MARS1: variants seen among roughly 807,000 people sequenced by gnomAD.
MARS1 encodes the protein methionyl-tRNA synthetase 1, also known as methionine--tRNA ligase, cytoplasmic.
In MARS1, 80 loss-of-function variants were observed where a neutral mutation model predicts 119.5. That is an observed-to-expected ratio of 0.67 (90% CI 0.56 to 0.81). The LOEUF (loss-of-function observed/expected upper bound fraction) is 0.81. Ranked by LOEUF, MARS1 falls within the 30% of genes least tolerant of loss-of-function variation. The probability of loss-of-function intolerance (pLI) is 0.00; values close to 1 mark genes in which losing one functional copy is unlikely to be tolerated. For missense variants in MARS1, 945 were observed against 1,116.5 expected, an observed-to-expected ratio of 0.85 and a Z score of 2.19; for synonymous variants, 418 against 433.4, an observed-to-expected ratio of 0.96 and a Z score of 0.44.
intron 1 of MARS1, chr12:57,488,514 CTTTAGTTACTAGCA>C: frequency 6.7e-7 from 1 of 1,488,138 alleles, no homozygotes; most frequent in South Asian, 1.2e-5. Context: ...CCCCTCTGCT[CTTTAGTTACTAGCA>C]TGACAGCCCC....
Position 57,516,308 on chromosome 12 carries a change from C to A in MARS1, c.2527C>A (p.Gln843Lys), listed in dbSNP as rs561321660. The A allele has an allele frequency of 1.9e-5, 30 of 1,614,188 alleles. No homozygotes were observed. Among genetic ancestry groups the A allele is most frequent in the Middle Eastern group, 3.3e-4 (2 of 6,062 alleles). Reference sequence around the variant, plus strand: ...TACAACAGCCAAGCCACAGCAGATACAAGCGCTGATGGATGAAGTGACAAA... The same window carrying A: ...TACAACAGCCAAGCCACAGCAGATAAAAGCGCTGATGGATGAAGTGACAAA... ...TVTTAKPQQI[Q>K]ALMDEVTKQG... Residue 843 changes from glutamine to lysine, a missense_variant, in exon 20 of 21, where the codon CAA (glutamine) becomes AAA (lysine). Gln to Lys is a moderately conservative substitution (Grantham distance 53). Coordinates refer to ENST00000262027, the MANE Select transcript of MARS1 (RefSeq NM_004990.4).
chr12:57,496,996 C>T (rs1306201369), intron 7 of MARS1, among the ~76,000 whole-genome samples: 2 of 152,060 alleles, frequency 1.3e-5, no homozygotes, highest in Non-Finnish European at 2.9e-5. Context: ...AATGTAATAC[C>T]CTTGGGAGCA....
chr12:57,489,377 G>C (rs774887880), intron 3 of MARS1, 32 bp downstream of exon 3: 1 of 1,614,142 alleles, frequency 6.2e-7, no homozygotes. Flanking sequence ...TGTCAGGCAG[G>C]CCCTTGTTCT....
chr12:57,498,115 C>T (rs1424098446), intron 7 of MARS1, 42 bp from the exon 8 acceptor site: 1 of 1,329,338 alleles, frequency 7.5e-7, no homozygotes, highest in South Asian at 1.2e-5. Flanking sequence ...TGTTGACCCT[C>T]ACATCCCCCC....
intron 7 of MARS1, among the ~76,000 whole-genome samples, chr12:57,493,333 ATATATGTTATATAATATATAT>A: frequency 2.0e-5 from 2 of 101,174 alleles, no homozygotes; most frequent in African/African-American, 8.3e-5. Flanking sequence ...ATTATATATA[ATATATGTTATATAATATATAT>A]TATATGATAT....
chr12:57,510,064 T>G (rs952120533), intron 11 of MARS1, among the ~76,000 whole-genome samples: 1 of 152,054 alleles, frequency 6.6e-6, no homozygotes, highest in African/African-American at 2.4e-5. Flanking sequence ...CAGGCTGGAG[T>G]GCAGTGGCAC....
intron 11 of MARS1, among the ~76,000 whole-genome samples, chr12:57,509,753 G>C (rs1594830705): frequency 6.6e-6 from 1 of 152,210 alleles, no homozygotes; most frequent in East Asian, 1.9e-4. Context: ...TGCAATTTCA[G>C]TCCATCCCCA....
chr12:57,508,477 A>C (rs1393253370), intron 11 of MARS1, among the ~76,000 whole-genome samples: 1 of 152,244 alleles, frequency 6.6e-6, no homozygotes, highest in Non-Finnish European at 1.5e-5. Flanking sequence ...CGGCCAACAC[A>C]GCGAAACCCC....
intron 11 of MARS1, among the ~76,000 whole-genome samples, chr12:57,509,847 A>G (rs1877420805): frequency 6.6e-6 from 1 of 152,198 alleles, no homozygotes; most frequent in Non-Finnish European, 1.5e-5. Flanking sequence ...CTCAATAGGC[A>G]TCAGCACATT....
chr12:57,489,812 T>G, intron 4 of MARS1, 84 bp from the exon 5 acceptor site: 1 of 1,268,668 alleles, frequency 7.9e-7, no homozygotes. Flanking sequence ...ACATATAAAG[T>G]GCTCAGTAAA....
At chr12:57,498,321 C>G (rs78220036) in intron 8 of MARS1, 48 bp downstream of exon 8, 8 of 1,599,524 alleles carry the variant, frequency 5.0e-6, no homozygotes, top group Non-Finnish European at 6.9e-6. Flanking sequence ...AGGGCGGGTC[C>G]CAGGGGAATA....
At position 57,504,251 on chromosome 12, in the gene MARS1, A is replaced by G. The variant is rs759822183; in HGVS notation, c.1320A>G (p.Ser440=). 8.7e-6 allele frequency: 14 copies of G among 1,614,072 alleles called. No individual in the cohort carries two copies. Among genetic ancestry groups the G allele is most frequent in the Admixed American group, 3.3e-5 (2 of 60,006 alleles). Residue 440 remains serine (S), a synonymous_variant, in exon 11 of 21, where the codon TCA becomes TCG. Coordinates refer to ENST00000262027, the MANE Select transcript of MARS1 (RefSeq NM_004990.4). Reference sequence around the variant, plus strand: ...AGCCTCAGTGTAAAGTCTGCCGATCATGCCCTGTGGTGCAGTCGAGCCAGC... The same window carrying G: ...AGCCTCAGTGTAAAGTCTGCCGATCGTGCCCTGTGGTGCAGTCGAGCCAGC... ...LKKPQCKVCR[S]CPVVQSSQHL...
At chr12:57,510,479 A>T (rs12427340) in intron 11 of MARS1, among the ~76,000 whole-genome samples, 3 of 151,150 alleles carry the variant, frequency 2.0e-5, no homozygotes, top group Non-Finnish European at 4.4e-5. Context: ...GCTCAAAAAA[A>T]TTTTTTTTTG....
At chr12:57,502,423 G>A (rs1395813607) in intron 10 of MARS1, among the ~76,000 whole-genome samples, 2 of 151,910 alleles carry the variant, frequency 1.3e-5, no homozygotes, top group Admixed American at 6.6e-5. Context: ...AAACTCACTT[G>A]GGGCCAGGTG....
intron 7 of MARS1, among the ~76,000 whole-genome samples, chr12:57,493,843 A>G (rs1487996340): frequency 2.3e-4 from 1 of 4,356 alleles, no homozygotes; most frequent in African/African-American, 2.5e-4. Context: ...ATATTATAAT[A>G]TATAATATAT....
chr12:57,488,282 C>G, intron 1 of MARS1, 83 bp downstream of exon 1: 1 of 1,326,352 alleles, frequency 7.5e-7, no homozygotes, highest in Non-Finnish European at 1.1e-6. Flanking sequence ...CTTTGCCAAA[C>G]CCCTAGCCCT....
chr12:57,489,631 A>C, intron 4 of MARS1, 73 bp downstream of exon 4: 1 of 1,593,998 alleles, frequency 6.3e-7, no homozygotes, highest in Non-Finnish European at 8.6e-7. Context: ...CTGTATTCAG[A>C]GTGTTCGAAC....
chr12:57,492,386 A>G (rs1876017458), intron 7 of MARS1, among the ~76,000 whole-genome samples: 1 of 147,732 alleles, frequency 6.8e-6, no homozygotes, highest in Non-Finnish European at 1.5e-5. Context: ...GAAGACTTAA[A>G]ACGGCCAGGT....
chr12:57,498,623 A>G lies in MARS1; in HGVS notation c.1091A>G (p.Lys364Arg). Reference protein sequence around the residue: ...FGRTTTPQQTKITQDIFQQLL... With the variant: ...FGRTTTPQQTRITQDIFQQLL... ...CGCACCACCACTCCACAGCAGACCA[A>G]GTAAGTTTCCTCTAATGAGGCAGAA... The change falls in exon 9 of 21, where the codon AAA (lysine) becomes AGA (arginine). Residue 364 changes from lysine (K) to arginine (R), a missense_variant and splice_region_variant. Physicochemically the swap from Lys to Arg is conservative, Grantham distance 26. Coordinates refer to ENST00000262027, the MANE Select transcript of MARS1 (RefSeq NM_004990.4). The G allele has an allele frequency of 6.2e-7, 1 of 1,613,994 alleles. No individual in the cohort carries two copies. The highest frequency in any genetic ancestry group is 8.5e-7 in the Non-Finnish European group (1 of 1,179,882).
Sources: allele counts gnomAD v4.1 joint callset (sites outside exome capture counted in the v4.1 genomes callset), GRCh38; gene constraint gnomAD v4.1.1; transcripts MANE v1.5; gene names NCBI Gene and HGNC (gene_info 2026-07-23, HGNC 2026-07-21).